The following GJA3 variants were observed in gnomAD, a reference collection of about 807,000 sequenced individuals.
GJA3 encodes gap junction alpha-3 protein.
For missense variants in GJA3, 571 were observed against 620.3 expected (o/e 0.92, Z 0.84); for synonymous variants, 297 against 292.6 (o/e 1.02, Z -0.15).
chr13:20,158,714 C>T (rs976405974), intron 1 of GJA3, among the ~76,000 whole-genome samples: 1 of 151,680 alleles, frequency 6.6e-6, no homozygotes, highest in Non-Finnish European at 1.5e-5. Context: ...GAGTTTGAGA[C>T]CAGCCTGTCC....
chr13:20,139,751 T>C lies in GJA3; in HGVS notation c.*2230A>G, dbSNP rs181405170. The stretch of plus-strand genomic sequence containing the variant: ...AATACTGGCATTTCCATAAACATAT[T>C]GTGACTAAATTCAATTTTAAAATGT... On this transcript the variant is annotated 3_prime_UTR_variant, in exon 2 of 2. Coordinates refer to ENST00000241125, the MANE Select transcript of GJA3 (RefSeq NM_021954.4). 4 of 152,346 alleles carry C rather than the reference T, an allele frequency of 2.6e-5. No individual in the cohort carries two copies. Among genetic ancestry groups the C allele is most frequent in the Non-Finnish European group, 5.9e-5 (4 of 68,032 alleles). 9.4% of individuals were successfully genotyped at this position (152,346 alleles called of 1,614,324 possible). A position where few individuals can be genotyped will look rare whatever the true frequency, so the allele number is the denominator to read the frequency against.
At chr13:20,150,708 G>A (rs959880196) in intron 1 of GJA3, among the ~76,000 whole-genome samples, 8 of 151,074 alleles carry the variant, frequency 5.3e-5, no homozygotes, top group Non-Finnish European at 1.2e-4. Flanking sequence ...GCTGGAGGGC[G>A]AAGGCCCCCT....
At position 20,142,519 on chromosome 13, in the gene GJA3, G is replaced by A; in HGVS notation, c.770C>T (p.Pro257Leu). Residue 257 changes from proline to leucine, a missense_variant, in exon 2 of 2, where the codon CCC becomes CTC. By Grantham distance (98) the Pro-to-Leu change is moderately conservative (BLOSUM62 -3). Transcript: ENST00000241125. ...LGTADPPPLP[P>L]SSRPPAVAIG... ...GGCAACGGCGGGCGGCCGGGAGCTGGGGGGCAGGGGCGGGGGATCGGCTGT... is the reference window on the plus strand; with the variant it reads ...GGCAACGGCGGGCGGCCGGGAGCTGAGGGGCAGGGGCGGGGGATCGGCTGT... 6.4e-7 allele frequency: 1 copy of A among 1,554,938 alleles called. No individual in the cohort carries two copies. The highest frequency in any genetic ancestry group is 1.8e-4 in the Middle Eastern group (1 of 5,670).
rs1030776832 is a variant in GJA3 at position 20,140,415 on chromosome 13, A to G, written c.*1566T>C. The G allele has an allele frequency of 6.6e-6, 1 of 152,244 alleles. No homozygotes were observed. Among genetic ancestry groups the G allele is most frequent in the African/African-American group, 2.4e-5 (1 of 41,468 alleles). 9.4% of individuals were successfully genotyped at this position (152,244 alleles called of 1,614,324 possible). A position where few individuals can be genotyped will look rare whatever the true frequency, so the allele number is the denominator to read the frequency against. ...CCCTTTATGATAGAAAACAGAAAGT[A>G]TGTTTGGAGTGTGGTCCCAAATGCA... On this transcript the variant is annotated 3_prime_UTR_variant, in exon 2 of 2. Transcript: ENST00000241125.
At chr13:20,147,912 G>T (rs1006402044) in intron 1 of GJA3, among the ~76,000 whole-genome samples, 1 of 151,730 alleles carries the variant, frequency 6.6e-6, no homozygotes, top group African/African-American at 2.4e-5. Context: ...CCATCTTCCT[G>T]CCTGGCAATC....
chr13:20,148,834 C>G (rs1205587806), intron 1 of GJA3, among the ~76,000 whole-genome samples: 1 of 152,232 alleles, frequency 6.6e-6, no homozygotes, highest in Non-Finnish European at 1.5e-5. Context: ...GACCTAATGA[C>G]AGAATACCAC....
At chr13:20,144,188 G>A (rs1958829334) in intron 1 of GJA3, among the ~76,000 whole-genome samples, 1 of 152,220 alleles carries the variant, frequency 6.6e-6, no homozygotes, top group Admixed American at 6.5e-5. Flanking sequence ...ACGACCACCT[G>A]AAATCACCTC....
intron 1 of GJA3, among the ~76,000 whole-genome samples, chr13:20,158,912 C>CAA (rs1159654355): frequency 0.031 from 1,686 of 53,994 alleles, 14 homozygotes; most frequent in African/African-American, 0.055. Flanking sequence ...GCAAAACTCT[C>CAA]AAAAAAAAAA....
rs1346552684 is a variant in GJA3, at chr13:20,140,353, G to A, written c.*1628C>T. The A allele has an allele frequency of 6.6e-6, 1 of 152,182 alleles. No homozygotes were observed. Among genetic ancestry groups the A allele is most frequent in the Non-Finnish European group, 1.5e-5 (1 of 68,038 alleles). 9.4% of individuals were successfully genotyped at this position (152,182 alleles called of 1,614,324 possible). On this transcript the variant is annotated 3_prime_UTR_variant, in exon 2 of 2. Transcript: ENST00000241125. ...GTTGCATGCAAGAATCTGAGACTTG[G>A]AAATTGCATTCCTTTCATCAGATTG... is the stretch of plus-strand genomic sequence containing the variant.
At chr13:20,146,041 G>A (rs1404149072) in intron 1 of GJA3, among the ~76,000 whole-genome samples, 8 of 152,322 alleles carry the variant, frequency 5.3e-5, no homozygotes, top group South Asian at 4.1e-4. Context: ...CCTGTCTACC[G>A]GCAGAGTAGC....
chr13:20,139,930 T>A lies in GJA3; in HGVS notation c.*2051A>T, dbSNP rs1440222483. The A allele has an allele frequency of 2.6e-5, 4 of 152,234 alleles. No individual in the cohort carries two copies. Among genetic ancestry groups the A allele is most frequent in the Non-Finnish European group, 5.9e-5 (4 of 68,046 alleles). The allele number at this position is 152,234 out of a possible 1,614,324, so 9.4% of individuals were successfully genotyped here. A position where few individuals can be genotyped will look rare whatever the true frequency, so the allele number is the denominator to read the frequency against. On this transcript the variant is annotated 3_prime_UTR_variant, in exon 2 of 2. Transcript: ENST00000241125. Reference sequence around the variant, plus strand: ...ACATCCACTTGTACTTGAGCTGTACTTGTGCTCTTGGATGATTGCTATTGC... The same window carrying A: ...ACATCCACTTGTACTTGAGCTGTACATGTGCTCTTGGATGATTGCTATTGC...
At chr13:20,143,398 G>A in intron 1 of GJA3, 93 bp from the exon 2 acceptor site, 2 of 821,390 alleles carry the variant, frequency 2.4e-6, no homozygotes, top group Non-Finnish European at 3.7e-6. Flanking sequence ...GATGGTACTG[G>A]GATGGGGCTG....
At chr13:20,147,413 G>A (rs1039516723) in intron 1 of GJA3, among the ~76,000 whole-genome samples, 5 of 152,058 alleles carry the variant, frequency 3.3e-5, no homozygotes, top group African/African-American at 1.2e-4. Context: ...GAAAAGCTAT[G>A]GTTCATTTAT....
At position 20,142,681 on chromosome 13, in the gene GJA3, A is replaced by C; in HGVS notation, c.608T>G (p.Phe203Cys). 1 of 1,613,944 alleles carries C rather than the reference A, an allele frequency of 6.2e-7. No homozygotes were observed. The highest frequency in any genetic ancestry group is 8.5e-7 in the Non-Finnish European group (1 of 1,180,000). The change falls in exon 2 of 2, where the codon TTC becomes TGC. Residue 203 changes from phenylalanine (F) to cysteine (C), a missense_variant. Phe to Cys is a radical substitution (Grantham distance 205, BLOSUM62 -2). Transcript: ENST00000241125. ...GGCCACCGCCAGCATGAAGATGATG[A>C]AGATGGTCTTCTCCGTGGGCCTGGA... ...FISRPTEKTI[F>C]IIFMLAVACA... is the part of the protein sequence containing the mutation.
At chr13:20,143,953 A>G (rs1958828067) in intron 1 of GJA3, among the ~76,000 whole-genome samples, 1 of 152,186 alleles carries the variant, frequency 6.6e-6, no homozygotes, top group South Asian at 2.1e-4. Flanking sequence ...CCTTTTTTAA[A>G]AAAGAATAAA....
chr13:20,147,700 C>G (rs1958851495), intron 1 of GJA3, among the ~76,000 whole-genome samples: 1 of 152,178 alleles, frequency 6.6e-6, no homozygotes, highest in African/African-American at 2.4e-5. Flanking sequence ...GATAGATGAC[C>G]ATAGCTTTCA....
In GJA3 at chr13:20,142,033, T is replaced by C. The variant is rs1477019809; in HGVS notation, c.1256A>G (p.Lys419Arg). The change falls in exon 2 of 2, where the codon AAG (lysine) becomes AGG (arginine). Residue 419 changes from lysine to arginine, a missense_variant. Physicochemically the swap from Lys to Arg is conservative, Grantham distance 26 (BLOSUM62 2). Coordinates refer to ENST00000241125, the MANE Select transcript of GJA3 (RefSeq NM_021954.4). ...CCGCCCGCTGCTGGCCCTGCTGGCC[T>C]TGCTGGCCCGACCTGGGTCTCCGAG... is the stretch of plus-strand genomic sequence containing the variant. ...LPLGDPGRAS[K>R]ASRASSGRAR... 10 of 1,550,232 alleles carry C rather than the reference T, an allele frequency of 6.5e-6. No homozygotes were observed. The East Asian group carries it at 2.4e-4, about 38-fold the overall frequency.
At chr13:20,152,505 C>A (rs1329272616) in intron 1 of GJA3, among the ~76,000 whole-genome samples, 1 of 152,086 alleles carries the variant, frequency 6.6e-6, no homozygotes. Flanking sequence ...GTGCCTCAGC[C>A]TCATGAGTAG....
chr13:20,150,434 G>A (rs1262693483), intron 1 of GJA3, among the ~76,000 whole-genome samples: 1 of 151,926 alleles, frequency 6.6e-6, no homozygotes, highest in African/African-American at 2.4e-5. Flanking sequence ...ACTAAGACTG[G>A]GCCGGGAGGA....
Sources: gnomAD v4.1 joint callset for allele counts (sites outside exome capture counted in the v4.1 genomes callset) on GRCh38, gnomAD v4.1.1 for gene constraint, MANE v1.5 for transcripts, NCBI Gene and HGNC (gene_info 2026-07-23, HGNC 2026-07-21) for gene names.